The following COL28A1 variants were observed in gnomAD, a reference collection of about 807,000 sequenced individuals.
COL28A1 encodes collagen alpha-1(XXVIII) chain.
A neutral mutation model predicts 150.2 loss-of-function variants in COL28A1; 161 were observed. The ratio of observed to expected loss-of-function variants is 1.07; its 90% confidence interval spans 0.94 to 1.22. The LOEUF is 1.22. Among genes scored for constraint, COL28A1 ranks in the 50% most tolerant of loss-of-function variants. The pLI is 0.00. For missense variants in COL28A1, 1,617 were observed against 1,388.3 expected (o/e 1.16, Z -2.62); for synonymous variants, 552 against 469.7 (o/e 1.18, Z -2.26).
At chr7:7,420,576 C>T (rs549207989) in intron 25 of COL28A1, among the ~76,000 whole-genome samples, 1 of 152,346 alleles carries the variant, frequency 6.6e-6, no homozygotes, top group East Asian at 1.9e-4. Context: ...CAAGACTATG[C>T]CATGTATGTT....
intron 33 of COL28A1, among the ~76,000 whole-genome samples, chr7:7,363,797 T>C (rs1312579505): frequency 6.6e-6 from 1 of 152,050 alleles, no homozygotes; most frequent in African/African-American, 2.4e-5. Context: ...TCTATAACAT[T>C]TATTATTATT....
chr7:7,459,904 G>T (rs1787476359), intron 15 of COL28A1, among the ~76,000 whole-genome samples: 1 of 152,186 alleles, frequency 6.6e-6, no homozygotes, highest in African/African-American at 2.4e-5. Flanking sequence ...GACAAAAACA[G>T]CAAACACTAT....
At chr7:7,515,793 T>G in intron 8 of COL28A1, 21 bp downstream of exon 8, 1 of 950,504 alleles carries the variant, frequency 1.1e-6, no homozygotes, top group Non-Finnish European at 1.7e-6. Flanking sequence ...CTGGTCAATC[T>G]ATTTGTTGTT....
At chr7:7,513,598 T>G (rs989774058) in intron 8 of COL28A1, among the ~76,000 whole-genome samples, 2 of 152,226 alleles carry the variant, frequency 1.3e-5, no homozygotes, top group Admixed American at 6.5e-5. Context: ...TGAATGCAAA[T>G]GGAAAATCAC....
intron 6 of COL28A1, among the ~76,000 whole-genome samples, chr7:7,519,615 G>A (rs1019477788): frequency 1.3e-5 from 2 of 152,036 alleles, no homozygotes; most frequent in East Asian, 3.9e-4. Flanking sequence ...AAAAGAATTC[G>A]AGAAGTCCTT....
At chr7:7,519,965 A>G in intron 6 of COL28A1, 97 bp downstream of exon 6, 2 of 674,874 alleles carry the variant, frequency 3.0e-6, no homozygotes, top group East Asian at 2.8e-5. Flanking sequence ...CATTTTTGCC[A>G]TATACTACAA....
At chr7:7,495,750 A>G (rs10486174) in intron 11 of COL28A1, among the ~76,000 whole-genome samples, 90,566 of 152,070 alleles carry the variant, frequency 0.6, 29,168 homozygotes, top group Non-Finnish European at 0.71. Flanking sequence ...CCTCTTGTTC[A>G]GAGTACAACA....
At chr7:7,483,056 C>T (rs1221507059) in intron 13 of COL28A1, among the ~76,000 whole-genome samples, 2 of 152,136 alleles carry the variant, frequency 1.3e-5, no homozygotes, top group Non-Finnish European at 2.9e-5. Flanking sequence ...AGACAGTCTC[C>T]AACTTAAGAT....
At chr7:7,381,217 C>G (rs1372443923) in intron 28 of COL28A1, among the ~76,000 whole-genome samples, 1 of 151,928 alleles carries the variant, frequency 6.6e-6, no homozygotes, top group Non-Finnish European at 1.5e-5. Context: ...ACTAATAAAT[C>G]CTTTATTAGT....
intron 18 of COL28A1, 88 bp downstream of exon 18, chr7:7,452,231 C>A: frequency 6.5e-7 from 1 of 1,537,826 alleles, no homozygotes; most frequent in South Asian, 1.3e-5. Context: ...ATAACACACA[C>A]AGAGTCTGTA....
intron 27 of COL28A1, among the ~76,000 whole-genome samples, chr7:7,408,003 C>A (rs1336321360): frequency 6.6e-6 from 1 of 152,126 alleles, no homozygotes; most frequent in Non-Finnish European, 1.5e-5. Context: ...GTCATCACAA[C>A]CAATATCCTA....
intron 33 of COL28A1, 83 bp from the exon 34 acceptor site, chr7:7,360,611 C>T (rs978454145): frequency 3.4e-6 from 4 of 1,178,510 alleles, no homozygotes; most frequent in East Asian, 5.5e-5. Flanking sequence ...CATATAAAGA[C>T]TAGTTCAGCC....
chr7:7,448,618 CATTTT>C (rs1438815399), intron 18 of COL28A1, among the ~76,000 whole-genome samples: 1 of 150,898 alleles, frequency 6.6e-6, no homozygotes, highest in Non-Finnish European at 1.5e-5. Flanking sequence ...TCATTTATAA[CATTTT>C]ATTTATGATA....
intron 19 of COL28A1, 32 bp downstream of exon 19, chr7:7,444,386 C>T (rs1251159746): frequency 6.2e-7 from 1 of 1,612,950 alleles, no homozygotes; most frequent in Non-Finnish European, 8.5e-7. Context: ...TCAACAGTTC[C>T]TACTCCAGTA....
intron 25 of COL28A1, 67 bp from the exon 26 acceptor site, chr7:7,420,020 T>C: frequency 9.6e-7 from 1 of 1,043,184 alleles, no homozygotes. Flanking sequence ...TCAATATATA[T>C]ATTTTAATAT....
At chr7:7,516,580 T>C (rs1474137123) in intron 7 of COL28A1, among the ~76,000 whole-genome samples, 2 of 152,190 alleles carry the variant, frequency 1.3e-5, no homozygotes. Flanking sequence ...GCAAGTCCTC[T>C]TCAAATGGGA....
chr7:7,484,740 T>C (rs1041629021), intron 13 of COL28A1, among the ~76,000 whole-genome samples: 1 of 152,126 alleles, frequency 6.6e-6, no homozygotes, highest in African/African-American at 2.4e-5. Context: ...TAAATGCCCA[T>C]CAATAGTAGA....
the COL28A1 span, among the ~76,000 whole-genome samples, chr7:7,342,378 A>G: frequency 6.6e-5 from 10 of 152,124 alleles, no homozygotes; most frequent in East Asian, 1.9e-4. Context: ...TTTTTATCCA[A>G]TCTATTACTC....
rs1781820126 is a variant in COL28A1 at position 7,380,649 on chromosome 7, T to C, written c.2322+11A>G. On this transcript the variant is annotated intron_variant, in intron 30 of 34. Transcript: ENST00000399429. The stretch of plus-strand genomic sequence containing the variant: ...CAAAACCCTCAATTACCCTCTAGAA[T>C]GGATACTCACTGTAAGTCCTAGGTC... 2 of 1,611,812 alleles carry C rather than the reference T, an allele frequency of 1.2e-6. No homozygotes were observed. Among genetic ancestry groups the C allele is most frequent in the African/African-American group, 2.7e-5 (2 of 74,886 alleles).
Sources: allele counts gnomAD v4.1 joint callset (sites outside exome capture counted in the v4.1 genomes callset), GRCh38; gene constraint gnomAD v4.1.1; transcripts MANE v1.5; gene names NCBI Gene and HGNC (gene_info 2026-07-23, HGNC 2026-07-21).